Variants in CCDC125 observed in about 807,000 individuals in gnomAD.
CCDC125 encodes the protein coiled-coil domain containing 125, also known as coiled-coil domain-containing protein 125.
In CCDC125, 43 loss-of-function variants were observed where a neutral mutation model predicts 57.4. The ratio of observed to expected loss-of-function variants is 0.75; its 90% CI spans 0.59 to 0.97. CCDC125 has a LOEUF of 0.97. Among genes scored for constraint, CCDC125 ranks in the 50% least tolerant of loss-of-function variants. The probability of loss-of-function intolerance (pLI) is 0.00; values close to 1 mark genes in which losing one functional copy is unlikely to be tolerated. For synonymous variants in CCDC125, 187 were observed against 195.2 expected (o/e 0.96, Z 0.35); for missense variants, 563 against 595.7 (o/e 0.95, Z 0.57).
Position 69,285,417 on chromosome 5 carries a change from T to C in CCDC125, c.1150A>G (p.Met384Val), listed in dbSNP as rs375154833. Reference sequence around the variant, plus strand: ...TTAGAACTGTTTTCTGAAGGGAGCATACCCAACAGTCTCTGCCCGAAGGTC... The same window carrying C: ...TTAGAACTGTTTTCTGAAGGGAGCACACCCAACAGTCTCTGCCCGAAGGTC... Reference protein sequence around the residue: ...KKTFGQRLLGMLPSENSSKRM... With the variant: ...KKTFGQRLLGVLPSENSSKRM... Residue 384 changes from methionine to valine, a missense_variant, in exon 11 of 12, where the codon ATG becomes GTG. Coordinates refer to ENST00000396496, the MANE Select transcript of CCDC125 (RefSeq NM_176816.5). The C allele has an allele frequency of 6.2e-7, 1 of 1,610,604 alleles. No homozygotes were observed. Among genetic ancestry groups the C allele is most frequent in the Non-Finnish European group, 8.5e-7 (1 of 1,178,714 alleles).
chr5:69,321,366 G>C (rs980625292), intron 1 of CCDC125, among the ~76,000 whole-genome samples: 3 of 152,092 alleles, frequency 2.0e-5, no homozygotes, highest in Admixed American at 2.0e-4. Context: ...AAACCCATCA[G>C]TAAAGTCATG....
At chr5:69,297,127 A>G (rs1437456128) in intron 8 of CCDC125, among the ~76,000 whole-genome samples, 1 of 152,168 alleles carries the variant, frequency 6.6e-6, no homozygotes, top group East Asian at 1.9e-4. Flanking sequence ...GTGCAGTGGT[A>G]CAATCTCGGC....
intron 5 of CCDC125, 75 bp from the exon 6 acceptor site, chr5:69,306,977 A>C: frequency 7.5e-7 from 1 of 1,332,424 alleles, no homozygotes; most frequent in South Asian, 2.4e-5. Flanking sequence ...AATAGCTGAA[A>C]TAAATCATAT....
intron 1 of CCDC125, among the ~76,000 whole-genome samples, chr5:69,328,055 C>T (rs1760947179): frequency 6.6e-6 from 1 of 152,196 alleles, no homozygotes; most frequent in Admixed American, 6.5e-5. Context: ...TGCCACCATG[C>T]CCAGCTAATT....
intron 2 of CCDC125, among the ~76,000 whole-genome samples, chr5:69,316,043 A>G (rs1303267313): frequency 6.6e-6 from 1 of 152,214 alleles, no homozygotes; most frequent in East Asian, 1.9e-4. Context: ...ATTTCTCAAA[A>G]CAACTTTCTT....
chr5:69,319,487 T>A (rs1429036024), intron 2 of CCDC125, among the ~76,000 whole-genome samples: 1 of 151,226 alleles, frequency 6.6e-6, no homozygotes, highest in Non-Finnish European at 1.5e-5. Flanking sequence ...GACTACTTTT[T>A]TTTTTTTTTT....
intron 2 of CCDC125, among the ~76,000 whole-genome samples, chr5:69,318,766 T>TA (rs1264718925): frequency 6.7e-6 from 1 of 150,300 alleles, no homozygotes; most frequent in East Asian, 2.0e-4. Flanking sequence ...AATAAATAAA[T>TA]AAAAATAAAA....
chr5:69,297,922 A>G (rs1313672322), intron 8 of CCDC125, among the ~76,000 whole-genome samples: 1 of 151,790 alleles, frequency 6.6e-6, no homozygotes, highest in Admixed American at 6.5e-5. Context: ...GCAGTGAGCC[A>G]TGATTGTGCC....
At chr5:69,292,411 A>ATTC in intron 9 of CCDC125, 49 bp from the exon 10 acceptor site, 1 of 1,409,732 alleles carries the variant, frequency 7.1e-7, no homozygotes, top group Non-Finnish European at 1.0e-6. Context: ...AACCAGAACA[A>ATTC]TTCTTGCTGA....
intron 9 of CCDC125, among the ~76,000 whole-genome samples, chr5:69,292,661 G>A (rs1754644757): frequency 1.3e-5 from 2 of 152,054 alleles, no homozygotes; most frequent in Non-Finnish European, 2.9e-5. Context: ...CTGGGACAAA[G>A]GGCCCAGCAT....
rs759701594 is a variant in CCDC125 at position 69,303,938 on chromosome 5, A to G, written c.618-9T>C. 13 of 1,552,990 alleles carry G rather than the reference A, an allele frequency of 8.4e-6. No individual in the cohort carries two copies. The highest frequency in any genetic ancestry group is 8.1e-5 in the Admixed American group (4 of 49,356). ...CATTTTCACAGTTTAGCCTGGAAAA[A>G]AGTGGCTTTCAAATAACTAAAACAT... On this transcript the variant is annotated splice_polypyrimidine_tract_variant and intron_variant, in intron 6 of 11. Transcript: ENST00000396496.
intron 2 of CCDC125, among the ~76,000 whole-genome samples, chr5:69,317,973 A>ATTTT (rs34680998): frequency 3.2e-4 from 26 of 82,356 alleles, no homozygotes; most frequent in African/African-American, 7.1e-4. Context: ...TGTCTCTAGA[A>ATTTT]TTTTTTTTTT....
intron 9 of CCDC125, 136 bp downstream of exon 9, chr5:69,294,657 T>C: frequency 2.8e-6 from 2 of 713,480 alleles, no homozygotes; most frequent in East Asian, 5.1e-5. Flanking sequence ...AAGTTGATGC[T>C]ATCACATAAA....
Position 69,311,168 on chromosome 5 carries a change from G to C in CCDC125, c.403C>G (p.Gln135Glu). Residue 135 changes from glutamine (Q) to glutamate (E), a missense_variant, in exon 4 of 12, where the codon CAA (glutamine) becomes GAA (glutamate). Physicochemically the swap from Gln to Glu is conservative, Grantham distance 29. Coordinates refer to ENST00000396496, the MANE Select transcript of CCDC125 (RefSeq NM_176816.5). ...TCCTCTTTACCTCTGAGTTGTCTTTGAGATGCCTCAAGTTCAGTTTTTAAC... is the reference window on the plus strand; with the variant it reads ...TCCTCTTTACCTCTGAGTTGTCTTTCAGATGCCTCAAGTTCAGTTTTTAAC... Reference protein sequence around the residue: ...EMLKTELEASQRQLRGKEEAL... With the variant: ...EMLKTELEASERQLRGKEEAL... 1.2e-6 allele frequency: 2 copies of C among 1,611,408 alleles called. No individual in the cohort carries two copies. Among genetic ancestry groups the C allele is most frequent in the South Asian group, 2.2e-5 (2 of 90,736 alleles).
intron 2 of CCDC125, among the ~76,000 whole-genome samples, chr5:69,319,348 C>T (rs886741000): frequency 6.6e-6 from 1 of 152,026 alleles, no homozygotes; most frequent in Non-Finnish European, 1.5e-5. Context: ...CCTAATGATG[C>T]CCAGTAAATA....
At chr5:69,322,543 G>T (rs1032254815) in intron 1 of CCDC125, among the ~76,000 whole-genome samples, 2 of 151,312 alleles carry the variant, frequency 1.3e-5, no homozygotes, top group Non-Finnish European at 1.5e-5. Context: ...GGGCAACACA[G>T]TGAGAACCTG....
chr5:69,297,273 G>A (rs945310494), intron 8 of CCDC125, among the ~76,000 whole-genome samples: 2 of 151,410 alleles, frequency 1.3e-5, no homozygotes, highest in African/African-American at 2.4e-5. Flanking sequence ...ACTCCTGACC[G>A]CAAATGATCC....
chr5:69,311,275 T>G, intron 3 of CCDC125, 71 bp from the exon 4 acceptor site: 1 of 929,158 alleles, frequency 1.1e-6, no homozygotes, highest in East Asian at 2.6e-5. Context: ...GTTTGGCTAG[T>G]CTACATTTAC....
At chr5:69,286,235 A>ATATATATATATATATATT (rs1753415691) in intron 10 of CCDC125, among the ~76,000 whole-genome samples, 1 of 38,314 alleles carries the variant, frequency 2.6e-5, no homozygotes. Flanking sequence ...TATATATATA[A>ATATATATATATATATATT]TTTTTTTTTT....
Sources: allele counts gnomAD v4.1 joint callset (sites outside exome capture counted in the v4.1 genomes callset), GRCh38; gene constraint gnomAD v4.1.1; transcripts MANE v1.5; gene names NCBI Gene and HGNC (gene_info 2026-07-23, HGNC 2026-07-21).